The following EYS variants were observed in gnomAD, a reference collection of about 807,000 sequenced individuals.
The protein encoded by EYS is protein eyes shut homolog.
A neutral mutation model predicts 282.1 loss-of-function variants in EYS; 250 were observed. The ratio of observed to expected loss-of-function variants is 0.89; its 90% CI spans 0.80 to 0.98. EYS has a LOEUF of 0.98. Ranked by LOEUF, EYS falls within the 50% of genes least tolerant of loss-of-function variation. The pLI is 0.00. For missense variants in EYS, 4,016 were observed against 3,709.0 expected (o/e 1.08, Z -2.15); for synonymous variants, 1,355 against 1,282.9 (o/e 1.06, Z -1.20).
At chr6:63,867,471 A>G (rs550263351) in intron 35 of EYS, among the ~76,000 whole-genome samples, 2 of 152,256 alleles carry the variant, frequency 1.3e-5, no homozygotes, top group African/African-American at 4.8e-5. Context: ...GTTTTTACCT[A>G]TACACCAGAG....
At chr6:64,603,246 CTCT>C (rs1766818776) in intron 24 of EYS, among the ~76,000 whole-genome samples, 1 of 152,100 alleles carries the variant, frequency 6.6e-6, no homozygotes, top group East Asian at 1.9e-4. Context: ...CTGTTTCCTC[CTCT>C]TCCCCCACTT....
intron 26 of EYS, among the ~76,000 whole-genome samples, chr6:64,448,778 G>C (rs1775211788): frequency 6.6e-6 from 1 of 152,186 alleles, no homozygotes; most frequent in Non-Finnish European, 1.5e-5. Flanking sequence ...AACTCCAACA[G>C]ACCTGCAGCT....
chr6:64,984,699 C>G (rs894695415), intron 14 of EYS, among the ~76,000 whole-genome samples: 2 of 151,246 alleles, frequency 1.3e-5, no homozygotes, highest in African/African-American at 4.8e-5. Flanking sequence ...ATATGTCCTA[C>G]CCAATAAAGA....
intron 2 of EYS, among the ~76,000 whole-genome samples, chr6:65,536,294 A>G (rs1465347017): frequency 1.3e-5 from 2 of 151,558 alleles, no homozygotes; most frequent in Admixed American, 1.3e-4. Context: ...AAGATAATAT[A>G]GGGCAAGTGG....
intron 41 of EYS, among the ~76,000 whole-genome samples, chr6:63,737,206 A>T (rs1268099511): frequency 6.6e-6 from 1 of 152,044 alleles, no homozygotes; most frequent in Non-Finnish European, 1.5e-5. Context: ...CCCATTCAGG[A>T]TGATATTGGC....
chr6:65,574,697 TG>T (rs1274451255), intron 2 of EYS, among the ~76,000 whole-genome samples: 18 of 152,052 alleles, frequency 1.2e-4, no homozygotes, highest in African/African-American at 4.3e-4. Context: ...CTTTCAAAGA[TG>T]GGCAGATCAT....
chr6:65,682,695 T>C (rs1391437831), intron 1 of EYS, among the ~76,000 whole-genome samples: 1 of 151,888 alleles, frequency 6.6e-6, no homozygotes, highest in Non-Finnish European at 1.5e-5. Flanking sequence ...TAAATAATTT[T>C]CTAGTTGTGT....
At chr6:63,983,367 T>C (rs116476028) in intron 35 of EYS, among the ~76,000 whole-genome samples, 1,942 of 151,892 alleles carry the variant, frequency 0.013, 34 homozygotes, top group African/African-American at 0.044. Flanking sequence ...ATTCTGTGAT[T>C]GGTAAATATA....
chr6:64,937,529 A>G (rs993882373), intron 15 of EYS, among the ~76,000 whole-genome samples: 1 of 151,740 alleles, frequency 6.6e-6, no homozygotes, highest in Non-Finnish European at 1.5e-5. Context: ...CAGAAAGCAC[A>G]TGTTAAGATG....
chr6:63,887,029 G>T (rs1773277308), intron 35 of EYS, among the ~76,000 whole-genome samples: 1 of 152,142 alleles, frequency 6.6e-6, no homozygotes, highest in Non-Finnish European at 1.5e-5. Flanking sequence ...GGGCAGGTAG[G>T]TCAGGATACT....
intron 5 of EYS, among the ~76,000 whole-genome samples, chr6:65,416,270 A>C (rs927793337): frequency 6.6e-6 from 1 of 151,964 alleles, no homozygotes; most frequent in Non-Finnish European, 1.5e-5. Context: ...TGGGTTTGCT[A>C]TAAGAGTACA....
At chr6:65,465,854 C>A (rs1158293260) in intron 5 of EYS, among the ~76,000 whole-genome samples, 1 of 151,986 alleles carries the variant, frequency 6.6e-6, no homozygotes, top group Non-Finnish European at 1.5e-5. Context: ...GTTGGCTGAT[C>A]CCAGCTACTC....
At chr6:65,616,004 T>G (rs1766186169) in intron 2 of EYS, among the ~76,000 whole-genome samples, 1 of 151,970 alleles carries the variant, frequency 6.6e-6, no homozygotes, top group Admixed American at 6.6e-5. Context: ...TGATGTGAAC[T>G]TCTTGACACA....
At chr6:64,630,088 T>C (rs1229619458) in intron 22 of EYS, among the ~76,000 whole-genome samples, 1 of 152,098 alleles carries the variant, frequency 6.6e-6, no homozygotes, top group African/African-American at 2.4e-5. Context: ...GAGATTTTTT[T>C]TGTTTTTTGT....
chr6:64,495,401 C>A (rs1776858604), intron 26 of EYS, among the ~76,000 whole-genome samples: 1 of 151,754 alleles, frequency 6.6e-6, no homozygotes, highest in Admixed American at 6.6e-5. Flanking sequence ...AATCACCTGT[C>A]CTTCAATAGC....
At chr6:63,755,162 T>C (rs953261955) in intron 41 of EYS, among the ~76,000 whole-genome samples, 18 of 152,204 alleles carry the variant, frequency 1.2e-4, no homozygotes, top group African/African-American at 4.1e-4. Context: ...CTGATGATAG[T>C]TTCTTTTGCC....
intron 19 of EYS, among the ~76,000 whole-genome samples, chr6:64,875,828 T>C (rs947585703): frequency 2.0e-5 from 3 of 152,092 alleles, no homozygotes; most frequent in Non-Finnish European, 4.4e-5. Context: ...CTCTAAAATA[T>C]GTGATGCCCT....
chr6:65,454,495 G>C (rs1358105439), intron 5 of EYS, among the ~76,000 whole-genome samples: 1 of 151,476 alleles, frequency 6.6e-6, no homozygotes, highest in Non-Finnish European at 1.5e-5. Context: ...CTGTGTAAAT[G>C]CATGTTAGTT....
At chr6:65,626,231 G>A (rs538175589) in intron 2 of EYS, among the ~76,000 whole-genome samples, 2 of 152,210 alleles carry the variant, frequency 1.3e-5, no homozygotes, top group African/African-American at 4.8e-5. Flanking sequence ...GTGATTATTT[G>A]GTTCTTGTAT....
Sources: allele counts gnomAD v4.1 joint callset (sites outside exome capture counted in the v4.1 genomes callset), GRCh38; gene constraint gnomAD v4.1.1; transcripts MANE v1.5; gene names NCBI Gene and HGNC (gene_info 2026-07-23, HGNC 2026-07-21).